The following ABHD17C variants were observed in gnomAD, a reference collection of about 807,000 sequenced individuals.
ABHD17C encodes abhydrolase domain containing 17C, depalmitoylase.
In ABHD17C, 11 loss-of-function variants were observed where a neutral mutation model predicts 27.9. That is an observed-to-expected ratio of 0.39 (90% CI 0.25 to 0.65). The LOEUF (loss-of-function observed/expected upper bound fraction) is 0.65. Among genes scored for constraint, ABHD17C ranks in the 30% least tolerant of loss-of-function variants. ABHD17C has a pLI of 0.45. For missense variants in ABHD17C, 280 were observed against 470.2 expected (o/e 0.60, Z 3.74); for synonymous variants, 233 against 209.1 (o/e 1.11, Z -0.98).
intron 1 of ABHD17C, among the ~76,000 whole-genome samples, chr15:80,705,347 G>GTA (rs1894632276): frequency 6.7e-6 from 1 of 150,290 alleles, no homozygotes; most frequent in African/African-American, 2.5e-5. Context: ...GTGTGTGTGT[G>GTA]TGTGTGTGTG....
Position 80,695,349 on chromosome 15 carries a change from C to T in ABHD17C, c.-81C>T. On this transcript the variant is annotated 5_prime_UTR_variant, in exon 1 of 3. Coordinates refer to ENST00000258884, the MANE Select transcript of ABHD17C (RefSeq NM_021214.2). The surrounding 1 kb of genome is among the most constrained non-coding windows in gnomAD (Gnocchi z 4.3). ...CTCCGCGCTCGCCTGCCAGCTCCCT[C>T]GCCGCGCGTCCGTCCTCCGTCCTCC... The T allele has an allele frequency of 2.0e-6, 2 of 982,478 alleles. No individual in the cohort carries two copies. Among genetic ancestry groups the T allele is most frequent in the African/African-American group, 1.8e-5 (1 of 57,076 alleles). The allele number at this position is 982,478 out of a possible 1,614,324, so 60.9% of individuals were successfully genotyped here.
rs577092930 is a variant in ABHD17C, at chr15:80,711,297, T to C, written c.590+15278T>C. ...TGACAGGTCTCTGTAGGAGAGAGCATCCTGACATCAGAGTGTGACATCAGC... is the reference window on the plus strand; with the variant it reads ...TGACAGGTCTCTGTAGGAGAGAGCACCCTGACATCAGAGTGTGACATCAGC... On this transcript the variant is annotated intron_variant, in intron 1 of 2. Coordinates refer to ENST00000258884, the MANE Select transcript of ABHD17C (RefSeq NM_021214.2). Among the ~76,000 whole-genome samples, 168 of 152,294 alleles carry C rather than the reference T, an allele frequency of 1.1e-3. 1 individual carries two copies. Among genetic ancestry groups the C allele is most frequent in the African/African-American group, 3.9e-3 (162 of 41,558 alleles).
At chr15:80,703,813 C>T (rs760599418) in intron 1 of ABHD17C, among the ~76,000 whole-genome samples, 6 of 152,158 alleles carry the variant, frequency 3.9e-5, no homozygotes, top group Non-Finnish European at 8.8e-5. Context: ...CCCCCCTTAC[C>T]TGGTGGGGGA....
chr15:80,744,910 C>T (rs181282960), intron 1 of ABHD17C, among the ~76,000 whole-genome samples: 1 of 152,280 alleles, frequency 6.6e-6, no homozygotes, highest in Admixed American at 6.5e-5. Context: ...TGTTTCCCCA[C>T]GTTGATTCTT....
At position 80,719,711 on chromosome 15, in the gene ABHD17C, G is replaced by C. The variant is rs1159938299; in HGVS notation, c.590+23692G>C. 2.2e-4 allele frequency among the ~76,000 whole-genome samples: 33 copies of C among 151,950 alleles called. No individual in the cohort carries two copies. In the Admixed American group the frequency reaches 2.2e-3, roughly 10 times the overall value. ...AAGGCAAATGTGTACTCCAATCATG[G>C]CTTAAAAACTGCTATATATCTAATT... is the stretch of plus-strand genomic sequence containing the variant. On this transcript the variant is annotated intron_variant, in intron 1 of 2. Transcript: ENST00000258884.
chr15:80,728,721 A>G (rs1008139145), intron 1 of ABHD17C, among the ~76,000 whole-genome samples: 11 of 152,220 alleles, frequency 7.2e-5, no homozygotes, highest in African/African-American at 2.7e-4. Context: ...CTTTTTGAAG[A>G]TAAAAGGGCA....
chr15:80,752,648 C>G (rs566206847), intron 2 of ABHD17C, among the ~76,000 whole-genome samples: 2 of 152,300 alleles, frequency 1.3e-5, no homozygotes, highest in South Asian at 2.1e-4. Context: ...CAAAAAGATT[C>G]CCACAAATAG....
chr15:80,700,971 C>T (rs955385278), intron 1 of ABHD17C, among the ~76,000 whole-genome samples: 4 of 152,170 alleles, frequency 2.6e-5, no homozygotes, highest in East Asian at 1.9e-4. Context: ...TGTGCCAGAC[C>T]GTGTACTACG....
In ABHD17C at chr15:80,755,152, T is replaced by G. The variant is rs1419966257; in HGVS notation, c.*782T>G. 2 of 152,214 alleles carry G rather than the reference T, an allele frequency of 1.3e-5. No homozygotes were observed. Among genetic ancestry groups the G allele is most frequent in the Admixed American group, 1.3e-4 (2 of 15,282 alleles). 9.4% of individuals were successfully genotyped at this position (152,214 alleles called of 1,614,324 possible). A position where few individuals can be genotyped will look rare whatever the true frequency, so the allele number is the denominator to read the frequency against. On this transcript the variant is annotated 3_prime_UTR_variant, in exon 3 of 3. Transcript: ENST00000258884. ...GTGCATAGATTCTTAATGGTAGATA[T>G]GATTTCTTTTGTCAGGCTACAACAA... is the stretch of plus-strand genomic sequence containing the variant.
intron 1 of ABHD17C, among the ~76,000 whole-genome samples, chr15:80,718,977 G>C (rs1055315769): frequency 2.6e-5 from 4 of 152,168 alleles, no homozygotes. Context: ...TTTTAAAGAA[G>C]GAATGCCTTT....
Position 80,706,305 on chromosome 15 carries a change from C to A in ABHD17C, c.590+10286C>A, listed in dbSNP as rs552921211. Among the ~76,000 whole-genome samples the A allele has an allele frequency of 7.2e-5, 11 of 152,256 alleles. No homozygotes were observed. In the East Asian group the frequency reaches 2.1e-3, roughly 29 times the overall value. On this transcript the variant is annotated intron_variant, in intron 1 of 2. Transcript: ENST00000258884. The stretch of plus-strand genomic sequence containing the variant: ...CATGGCTCCATGGTGAAATTGGAAA[C>A]CTCTGTTTTCCAGGAAGTCGAGGTC...
At position 80,754,948 on chromosome 15, in the gene ABHD17C, G is replaced by A. The variant is rs1361334622; in HGVS notation, c.*578G>A. 2.0e-5 allele frequency: 3 copies of A among 152,006 alleles called. No individual in the cohort carries two copies. Among genetic ancestry groups the A allele is most frequent in the Admixed American group, 2.0e-4 (3 of 15,272 alleles). 9.4% of individuals were successfully genotyped at this position (152,006 alleles called of 1,614,324 possible). A position where few individuals can be genotyped will look rare whatever the true frequency, so the allele number is the denominator to read the frequency against. On this transcript the variant is annotated 3_prime_UTR_variant, in exon 3 of 3. Transcript: ENST00000258884. ...CAACTGTAACCATATAAATATAACT[G>A]GAATATTCTTAAACAAAAAGAAACT...
chr15:80,700,650 C>T (rs1042725636), intron 1 of ABHD17C, among the ~76,000 whole-genome samples: 11 of 152,110 alleles, frequency 7.2e-5, no homozygotes, highest in Admixed American at 7.2e-4. Flanking sequence ...GTAAACCCAG[C>T]AATTTGGGAG....
intron 1 of ABHD17C, among the ~76,000 whole-genome samples, chr15:80,731,471 T>C (rs1895055942): frequency 6.6e-6 from 1 of 151,894 alleles, no homozygotes; most frequent in African/African-American, 2.4e-5. Flanking sequence ...AGGGAAGTCA[T>C]CATCATGTTT....
chr15:80,702,740 A>C (rs867256937), intron 1 of ABHD17C: 1 of 152,226 alleles, frequency 6.6e-6, no homozygotes, highest in South Asian at 2.1e-4. Context: ...TGTTGAAACT[A>C]TAAATCTGCT....
intron 1 of ABHD17C, among the ~76,000 whole-genome samples, chr15:80,731,050 G>A (rs1895051051): frequency 6.6e-6 from 1 of 152,166 alleles, no homozygotes; most frequent in Non-Finnish European, 1.5e-5. Flanking sequence ...AAAAGGAAAT[G>A]GAAGAGTCCA....
At chr15:80,713,618 G>A (rs529107683) in intron 1 of ABHD17C, among the ~76,000 whole-genome samples, 11 of 151,744 alleles carry the variant, frequency 7.2e-5, no homozygotes, top group Admixed American at 2.0e-4. Context: ...GACCAGCCTG[G>A]CCAACATAGT....
intron 1 of ABHD17C, among the ~76,000 whole-genome samples, chr15:80,721,656 G>A (rs1005734434): frequency 1.3e-5 from 2 of 152,110 alleles, no homozygotes; most frequent in Admixed American, 1.3e-4. Context: ...TGTCATTGTC[G>A]TCACTTTTGT....
chr15:80,750,166 G>C (rs187114682), intron 2 of ABHD17C, among the ~76,000 whole-genome samples: 1 of 152,290 alleles, frequency 6.6e-6, no homozygotes, highest in African/African-American at 2.4e-5. Context: ...ACAGGTAAGG[G>C]AAAAGGTACC....
Sources: allele counts gnomAD v4.1 joint callset (sites outside exome capture counted in the v4.1 genomes callset), GRCh38; gene constraint gnomAD v4.1.1; non-coding constraint Gnocchi (gnomAD v3.1); transcripts MANE v1.5; gene names NCBI Gene and HGNC (gene_info 2026-07-23, HGNC 2026-07-21).